SLC3A2: variants seen among roughly 807,000 people sequenced by gnomAD.
SLC3A2 encodes the protein solute carrier family 3 member 2, also known as amino acid transporter heavy chain SLC3A2.
A neutral mutation model predicts 48.5 loss-of-function variants in SLC3A2; 32 were observed. The observed-to-expected ratio is 0.66, with a 90% CI of 0.50 to 0.89. SLC3A2 has a LOEUF of 0.89. Among genes scored for constraint, SLC3A2 ranks in the 40% least tolerant of loss-of-function variants. The pLI is 0.00. For synonymous variants in SLC3A2, 277 were observed against 288.8 expected (o/e 0.96, Z 0.41); for missense variants, 587 against 680.7 (o/e 0.86, Z 1.53).
chr11:62,877,664 G>T (rs1173549768), upstream of SLC3A2, among the ~76,000 whole-genome samples: 1 of 152,222 alleles, frequency 6.6e-6, no homozygotes, highest in Admixed American at 6.5e-5. Flanking sequence ...AACTCATGAG[G>T]TTGAGTGGAC....
Position 62,881,928 on chromosome 11 carries a change from A to G in SLC3A2, c.460A>G (p.Lys154Glu), listed in dbSNP as rs1435455771. The part of the protein sequence containing the change: ...KGRLDYLSSL[K>E]VKGLVLGPIH... Reference sequence around the variant, plus strand: ...GCGTCTCGATTACCTGAGCTCTCTGAAGGTGAAGGGCCTTGTGCTGGGTCC... The same window carrying G: ...GCGTCTCGATTACCTGAGCTCTCTGGAGGTGAAGGGCCTTGTGCTGGGTCC... Residue 154 changes from lysine (K) to glutamate (E), a missense_variant, in exon 2 of 9, where the codon AAG becomes GAG. By Grantham distance (56) the Lys-to-Glu change is moderately conservative. Around this residue, in one of 3 missense-constraint regions of SLC3A2, gnomAD observed 409 missense variants for 446.7 expected, o/e 0.92. Coordinates refer to ENST00000338663, the MANE Select transcript of SLC3A2 (RefSeq NM_001013251.3). The surrounding 1 kb of genome is among the most constrained non-coding windows in gnomAD (Gnocchi z 4.0). 5 of 1,613,958 alleles carry G rather than the reference A, an allele frequency of 3.1e-6. No individual in the cohort carries two copies. In the African/African-American group the frequency reaches 6.7e-5, roughly 22 times the overall value.
rs540321259 is a variant in SLC3A2, at chr11:62,883,150, A to G, written c.690+151A>G. ...GAATGCCTCCTCCTATAGCCAAAGGATAGGCCAATAGCACACCTGTTTTTC... is the reference window on the plus strand; with the variant it reads ...GAATGCCTCCTCCTATAGCCAAAGGGTAGGCCAATAGCACACCTGTTTTTC... On this transcript the variant is annotated intron_variant, in intron 3 of 8. Transcript: ENST00000338663. The G allele has an allele frequency of 1.6e-4, 102 of 650,796 alleles. No individual in the cohort carries two copies. The African/African-American group carries it at 1.7e-3, about 11-fold the overall frequency. 40.3% of individuals were successfully genotyped at this position (650,796 alleles called of 1,614,324 possible).
chr11:62,866,223 T>G (rs2085451287), intron 1 of SLC3A2, among the ~76,000 whole-genome samples: 1 of 150,418 alleles, frequency 6.6e-6, no homozygotes, highest in Non-Finnish European at 1.5e-5. Context: ...GTTCAAGAGA[T>G]TCTTCTGCCT....
At chr11:62,882,219 T>C in intron 2 of SLC3A2, 153 bp downstream of exon 2, 1 of 869,754 alleles carries the variant, frequency 1.1e-6, no homozygotes, top group Non-Finnish European at 1.8e-6. Flanking sequence ...CTAAAATGGA[T>C]TTGTCCAGTC....
intron 1 of SLC3A2, among the ~76,000 whole-genome samples, chr11:62,874,668 G>A (rs190406197): frequency 1.2e-3 from 180 of 152,252 alleles, no homozygotes; most frequent in African/African-American, 4.2e-3. Context: ...GATAGTAGCT[G>A]CGAAGTGAAC....
At position 62,885,499 on chromosome 11, in the gene SLC3A2, C is replaced by T. The variant is rs1030555481; in HGVS notation, c.1034C>T (p.Pro345Leu). 1.2e-5 allele frequency: 20 copies of T among 1,614,042 alleles called. No homozygotes were observed. The highest frequency in any genetic ancestry group is 3.3e-5 in the South Asian group (3 of 91,084). Residue 345 changes from proline (P) to leucine (L), a missense_variant, in exon 7 of 9, where the codon CCG becomes CTG. Pro to Leu is a moderately conservative substitution (Grantham distance 98). This residue lies in a region of SLC3A2 where 409 missense variants were observed against 446.7 expected (regional missense o/e 0.92). Coordinates refer to ENST00000338663, the MANE Select transcript of SLC3A2 (RefSeq NM_001013251.3). ...SQARLLTSFL[P>L]AQLLRLYQLM... ...GCAAGGCTCCTGACTTCCTTCTTGCCGGCTCAACTTCTCCGACTCTACCAG... is the reference window on the plus strand; with the variant it reads ...GCAAGGCTCCTGACTTCCTTCTTGCTGGCTCAACTTCTCCGACTCTACCAG...
chr11:62,872,103 G>C (rs969188146), intron 1 of SLC3A2, among the ~76,000 whole-genome samples: 5 of 152,180 alleles, frequency 3.3e-5, no homozygotes, highest in Non-Finnish European at 5.9e-5. Context: ...TTTTAGTAGA[G>C]ACGGGGTTTC....
chr11:62,873,549 ACTC>A (rs1216725603), intron 1 of SLC3A2, among the ~76,000 whole-genome samples: 1 of 151,420 alleles, frequency 6.6e-6, no homozygotes, highest in Non-Finnish European at 1.5e-5. Context: ...CTGGTCTTGA[ACTC>A]CTGGGATCAA....
chr11:62,885,239 A>C lies in SLC3A2; in HGVS notation c.881A>C (p.Asn294Thr). Residue 294 changes from asparagine (N) to threonine (T), a missense_variant, in exon 6 of 9, where the codon AAC (asparagine) becomes ACC (threonine). Coordinates refer to ENST00000338663, the MANE Select transcript of SLC3A2 (RefSeq NM_001013251.3). ...CAGATCCTGAGCCTACTCGAATCCA[A>C]CAAAGACTTGCTGTTGACTAGCTCA... is the stretch of plus-strand genomic sequence containing the variant. Reference protein sequence around the residue: ...LQQILSLLESNKDLLLTSSYL... With the variant: ...LQQILSLLESTKDLLLTSSYL... 1 of 1,614,140 alleles carries C rather than the reference A, an allele frequency of 6.2e-7. No individual in the cohort carries two copies. The highest frequency in any genetic ancestry group is 1.1e-5 in the South Asian group (1 of 91,088).
Position 62,880,936 on chromosome 11 carries a change from G to C in SLC3A2, c.-88G>C, listed in dbSNP as rs879131288. The C allele has an allele frequency of 7.4e-6, 11 of 1,477,046 alleles. No homozygotes were observed. In the East Asian group the frequency reaches 9.4e-5, roughly 13 times the overall value. The allele number at this position is 1,477,046 out of a possible 1,614,324, so 91.5% of individuals were successfully genotyped here. ...AACTGCGCGGAGGCACAGAGGCCGG[G>C]GAGAGCGTTCTGGGTCCGAGGGTCC... On this transcript the variant is annotated 5_prime_UTR_variant, in exon 1 of 9. Coordinates refer to ENST00000338663, the MANE Select transcript of SLC3A2 (RefSeq NM_001013251.3).
At chr11:62,882,389 T>G (rs2085653963) in intron 2 of SLC3A2, 1 of 330,722 alleles carries the variant, frequency 3.0e-6, no homozygotes, top group African/African-American at 2.1e-5. Context: ...AAATATTGTT[T>G]TACGACTCGA....
intron 3 of SLC3A2, 125 bp downstream of exon 3, chr11:62,883,124 G>T: frequency 1.3e-6 from 1 of 794,860 alleles, no homozygotes; most frequent in Non-Finnish European, 2.2e-6. Flanking sequence ...GGACCAAGGA[G>T]GAATGCCTCC....
In SLC3A2 at chr11:62,881,653, G is replaced by T. The variant is rs1424280256; in HGVS notation, c.424+206G>T. 2.3e-6 allele frequency: 2 copies of T among 888,102 alleles called. No individual in the cohort carries two copies. Among genetic ancestry groups the T allele is most frequent in the African/African-American group, 3.5e-5 (2 of 56,352 alleles). The allele number at this position is 888,102 out of a possible 1,614,324, so 55.0% of individuals were successfully genotyped here. ...GCCGACCCGCCCCTCACTCCGTCAC[G>T]AGGGTGGGTGACTCAGCGTCCTCCT... On this transcript the variant is annotated intron_variant, in intron 1 of 8. Transcript: ENST00000338663. The surrounding 1 kb of genome is among the most constrained non-coding windows in gnomAD (Gnocchi z 4.0).
At chr11:62,868,400 C>T (rs1029219099) in intron 1 of SLC3A2, among the ~76,000 whole-genome samples, 2 of 136,436 alleles carry the variant, frequency 1.5e-5, no homozygotes, top group African/African-American at 5.5e-5. Context: ...GAGTCTCACT[C>T]TCTTGCCCAG....
chr11:62,887,687 G>A (rs906381514), intron 7 of SLC3A2, among the ~76,000 whole-genome samples: 26 of 143,270 alleles, frequency 1.8e-4, no homozygotes, highest in African/African-American at 2.9e-4. Context: ...TGAACAGAGC[G>A]AGACTCCGTC....
chr11:62,869,819 G>A (rs2085492654), intron 1 of SLC3A2, among the ~76,000 whole-genome samples: 1 of 143,774 alleles, frequency 7.0e-6, no homozygotes, highest in Non-Finnish European at 1.5e-5. Context: ...GTCTTGCTCT[G>A]TCGCCCAGGT....
chr11:62,866,998 CT>C (rs1169101970), intron 1 of SLC3A2, among the ~76,000 whole-genome samples: 5 of 151,672 alleles, frequency 3.3e-5, no homozygotes, highest in African/African-American at 1.2e-4. Context: ...TTTTCTTTTT[CT>C]TTCTGTTTTT....
chr11:62,882,205 C>A, intron 2 of SLC3A2, 139 bp downstream of exon 2: 1 of 980,584 alleles, frequency 1.0e-6, no homozygotes, highest in Non-Finnish European at 1.5e-6. Context: ...TGTTAGTCTT[C>A]AGCCTAAAAT....
Position 62,881,200 on chromosome 11 carries a change from G to A in SLC3A2, c.177G>A (p.Lys59=). 2 of 1,592,048 alleles carry A rather than the reference G, an allele frequency of 1.3e-6. No individual in the cohort carries two copies. Among genetic ancestry groups the A allele is most frequent in the African/African-American group, 1.3e-5 (1 of 74,986 alleles). Residue 59 remains lysine (K), a synonymous_variant, in exon 1 of 9, where the codon AAG becomes AAA. Coordinates refer to ENST00000338663, the MANE Select transcript of SLC3A2 (RefSeq NM_001013251.3). The surrounding 1 kb of genome is among the most constrained non-coding windows in gnomAD (Gnocchi z 4.0). ...AGGCGGAGGCGGCAGCCGCGGCTAA[G>A]TTCACGGGCCTGTCCAAGGAGGAGC... ...EDEAEAAAAA[K]FTGLSKEELL...
Sources: gnomAD v4.1 joint callset for allele counts (sites outside exome capture counted in the v4.1 genomes callset) on GRCh38, gnomAD v4.1.1 for gene constraint, gnomAD v4.1.1 regional missense constraint, Gnocchi (gnomAD v3.1) non-coding constraint, MANE v1.5 for transcripts, NCBI Gene and HGNC (gene_info 2026-07-23, HGNC 2026-07-21) for gene names.